Variants in SHANK2 observed in about 807,000 individuals in gnomAD.
SHANK2 encodes SH3 and multiple ankyrin repeat domains 2, also known as SH3 and multiple ankyrin repeat domains protein 2.
A neutral mutation model predicts 133.7 loss-of-function variants in SHANK2; 43 were observed. The observed-to-expected ratio is 0.32, with a 90% CI of 0.25 to 0.41. The LOEUF (loss-of-function observed/expected upper bound fraction) is 0.41, where lower values mean the gene tolerates loss of function less well. Ranked by LOEUF, SHANK2 falls within the 10% of genes least tolerant of loss-of-function variation. The pLI is 1.00. For missense variants in SHANK2, 1,994 were observed against 2,235.8 expected, an observed-to-expected ratio of 0.89 and a Z score of 2.18; for synonymous variants, 1,017 against 952.8, an observed-to-expected ratio of 1.07 and a Z score of -1.24.
intron 13 of SHANK2, among the ~76,000 whole-genome samples, chr11:70,801,153 A>G (rs782342202): frequency 5.9e-5 from 9 of 152,196 alleles, no homozygotes; most frequent in Non-Finnish European, 8.8e-5. Context: ...CTTTCCTTCC[A>G]AACTCCCCTC....
rs1364056458 is a variant in SHANK2, at chr11:70,479,522, AT to A, written c.4979+5791del. ...TGGGACCTGGAGTTTCACAGGACAA[AT>A]CTCCCTGAAGCCCATCCATCCCATG... On this transcript the variant is annotated intron_variant, in intron 25 of 25. Coordinates refer to ENST00000601538, the MANE Select transcript of SHANK2 (RefSeq NM_012309.5). This position sits in a 1 kb window ranked among gnomAD's most constrained non-coding sequence, Gnocchi z 4.4. Among the ~76,000 whole-genome samples the A allele has an allele frequency of 6.6e-6, 1 of 152,160 alleles. No individual in the cohort carries two copies. The highest frequency in any genetic ancestry group is 2.4e-5 in the African/African-American group (1 of 41,442).
intron 9 of SHANK2, among the ~76,000 whole-genome samples, chr11:71,063,339 T>C (rs976973578): frequency 6.6e-6 from 1 of 152,238 alleles, no homozygotes; most frequent in Non-Finnish European, 1.5e-5. Flanking sequence ...CAGGTTCCAG[T>C]TAGTTATTTT....
intron 6 of SHANK2, among the ~76,000 whole-genome samples, chr11:71,102,455 C>T (rs960963638): frequency 2.0e-5 from 3 of 152,252 alleles, no homozygotes; most frequent in South Asian, 4.2e-4. Context: ...AACAGGGACG[C>T]GGGGCCCAGG....
intron 11 of SHANK2, among the ~76,000 whole-genome samples, chr11:70,866,833 GCAGCCACT>G (rs1366503070): frequency 6.6e-6 from 1 of 151,730 alleles, no homozygotes; most frequent in Non-Finnish European, 1.5e-5. Flanking sequence ...TGACCTAGAG[GCAGCCACT>G]CTCTGCCCGC....
At chr11:70,519,827 C>T (rs2059308854) in intron 17 of SHANK2, among the ~76,000 whole-genome samples, 2 of 151,954 alleles carry the variant, frequency 1.3e-5, no homozygotes, top group African/African-American at 4.8e-5. Context: ...CCTTGATCTC[C>T]TGGGCTCGAG....
intron 1 of SHANK2, among the ~76,000 whole-genome samples, chr11:71,243,796 C>T (rs1565533893): frequency 6.6e-6 from 1 of 152,114 alleles, no homozygotes; most frequent in Admixed American, 6.5e-5. Context: ...TCTGGTGGGA[C>T]ACAAACTAAC....
intron 4 of SHANK2, among the ~76,000 whole-genome samples, chr11:71,116,384 C>A (rs903638116): frequency 3.9e-5 from 6 of 152,242 alleles, no homozygotes; most frequent in African/African-American, 1.4e-4. Flanking sequence ...GTATACACTG[C>A]AGGAAACAAT....
At chr11:70,869,167 G>A (rs1555069683) in intron 11 of SHANK2, among the ~76,000 whole-genome samples, 2 of 152,144 alleles carry the variant, frequency 1.3e-5, no homozygotes, top group African/African-American at 4.8e-5. Context: ...AGAGGTCTCC[G>A]GAGGAACCAG....
intron 9 of SHANK2, among the ~76,000 whole-genome samples, chr11:71,069,881 C>A (rs1450358061): frequency 1.3e-5 from 2 of 152,192 alleles, no homozygotes; most frequent in East Asian, 1.9e-4. Flanking sequence ...TCCCTGCATG[C>A]CCTGTGTGTG....
At chr11:70,531,658 G>C (rs1360622950) in intron 17 of SHANK2, among the ~76,000 whole-genome samples, 1 of 152,180 alleles carries the variant, frequency 6.6e-6, no homozygotes, top group African/African-American at 2.4e-5. Flanking sequence ...GCGCCTCTGC[G>C]TCCTAGGAGT....
At chr11:70,839,475 G>A (rs990107200) in intron 11 of SHANK2, among the ~76,000 whole-genome samples, 1 of 152,198 alleles carries the variant, frequency 6.6e-6, no homozygotes, top group African/African-American at 2.4e-5. Flanking sequence ...AGGGGAACAG[G>A]ATGTGCTGGG....
intron 15 of SHANK2, among the ~76,000 whole-genome samples, chr11:70,679,458 C>T (rs1661282244): frequency 6.6e-6 from 1 of 152,252 alleles, no homozygotes; most frequent in Admixed American, 6.5e-5. Flanking sequence ...CCTCGGCCCC[C>T]TCTTTTGGGG....
intron 9 of SHANK2, among the ~76,000 whole-genome samples, chr11:71,068,993 A>G (rs1951105959): frequency 6.7e-6 from 1 of 149,354 alleles, no homozygotes; most frequent in Admixed American, 6.6e-5. Context: ...CAGCACCATC[A>G]CTATCAACCA....
At chr11:70,602,218 T>C (rs1391361584) in intron 17 of SHANK2, among the ~76,000 whole-genome samples, 1 of 152,198 alleles carries the variant, frequency 6.6e-6, no homozygotes, top group Non-Finnish European at 1.5e-5. Flanking sequence ...CAGAAGCAGA[T>C]ACAGGCACCA....
At position 70,820,571 on chromosome 11, in the gene SHANK2, C is replaced by T. The variant is rs1555055683; in HGVS notation, c.1286G>A (p.Ser429Asn). The change falls in exon 12 of 26, where the codon AGC (serine) becomes AAC (asparagine). Residue 429 changes from serine to asparagine, a missense_variant. Transcript: ENST00000601538. ...GGAGCAGACGGCCCAGTCGGGAGCGCTGGCATTGAGGTTGTTGTCACTGTT... is the reference window on the plus strand; with the variant it reads ...GGAGCAGACGGCCCAGTCGGGAGCGTTGGCATTGAGGTTGTTGTCACTGTT... ...RSNSDNNLNA[S>N]APDWAVCSTA... is the part of the protein sequence containing the mutation. 1 of 716,928 alleles carries T rather than the reference C, an allele frequency of 1.4e-6. No individual in the cohort carries two copies. Among genetic ancestry groups the T allele is most frequent in the African/African-American group, 1.7e-5 (1 of 57,376 alleles). The allele number at this position is 716,928 out of a possible 1,614,324, so 44.4% of individuals were successfully genotyped here.
chr11:70,729,662 C>T (rs1555031607), intron 14 of SHANK2, among the ~76,000 whole-genome samples: 1 of 151,436 alleles, frequency 6.6e-6, no homozygotes, highest in Non-Finnish European at 1.5e-5. Flanking sequence ...GTAGCTGGGA[C>T]TACAGGTGCC....
chr11:70,516,300 A>G (rs534721361), intron 17 of SHANK2, among the ~76,000 whole-genome samples: 16 of 152,358 alleles, frequency 1.1e-4, no homozygotes, highest in South Asian at 1.0e-3. Context: ...TGATCAGAAT[A>G]GAAAGCCCAG....
At position 71,248,072 on chromosome 11, in the gene SHANK2, C is replaced by T. The variant is rs371409848; in HGVS notation, c.-113+4353G>A. 1.2e-3 allele frequency among the ~76,000 whole-genome samples: 186 copies of T among 152,348 alleles called. 1 individual carries two copies. In the South Asian group the frequency reaches 0.038, roughly 31 times the overall value. ...ATATGTGCATCCAGAGAGACCCAGGCTATGGTCCCTAAACCCAGGGCAGGC... is the reference window on the plus strand; with the variant it reads ...ATATGTGCATCCAGAGAGACCCAGGTTATGGTCCCTAAACCCAGGGCAGGC... On this transcript the variant is annotated intron_variant, in intron 1 of 25. Coordinates refer to ENST00000601538, the MANE Select transcript of SHANK2 (RefSeq NM_012309.5).
At chr11:71,062,786 A>C (rs1951002523) in intron 9 of SHANK2, among the ~76,000 whole-genome samples, 1 of 152,076 alleles carries the variant, frequency 6.6e-6, no homozygotes, top group Non-Finnish European at 1.5e-5. Flanking sequence ...GCTTGAGTCT[A>C]GGAGTTTCAG....
Sources: gnomAD v4.1 joint callset for allele counts (sites outside exome capture counted in the v4.1 genomes callset) on GRCh38, gnomAD v4.1.1 for gene constraint, Gnocchi (gnomAD v3.1) non-coding constraint, MANE v1.5 for transcripts, NCBI Gene and HGNC (gene_info 2026-07-23, HGNC 2026-07-21) for gene names.